The following DMD variants were observed in gnomAD, a reference collection of about 807,000 sequenced individuals.
DMD encodes the protein dystrophin.
A neutral mutation model predicts 330.1 loss-of-function variants in DMD; 63 were observed. That is an observed-to-expected ratio of 0.19 (90% CI 0.16 to 0.24). The LOEUF is 0.24. Ranked by LOEUF, DMD falls within the 10% of genes least tolerant of loss-of-function variation. The pLI is 1.00. For missense variants in DMD, 3,344 were observed against 2,684.1 expected, an observed-to-expected ratio of 1.25 and a Z score of -5.43; for synonymous variants, 1,223 against 959.8, an observed-to-expected ratio of 1.27 and a Z score of -5.07.
At chrX:32,584,006 G>A (rs1394281729) in intron 13 of DMD, among the ~76,000 whole-genome samples, 1 of 110,892 alleles carries the variant, frequency 9.0e-6, no homozygotes, top group Non-Finnish European at 1.9e-5. Flanking sequence ...TATCATTACG[G>A]AGTGAAAAGG....
chrX:32,817,419 A>G (rs1468794979), intron 5 of DMD, among the ~76,000 whole-genome samples: 1 of 112,445 alleles, frequency 8.9e-6, no homozygotes, highest in Non-Finnish European at 1.9e-5. Context: ...CAGATTATCA[A>G]GTTTAATTCT....
rs1446750643 is a variant in DMD, at chrX:31,968,465, T to G, written c.6488A>C (p.Asn2163Thr). 8.3e-7 allele frequency: 1 copy of G among 1,210,801 alleles called. No homozygotes were observed. The highest frequency in any genetic ancestry group is 1.1e-6 in the Non-Finnish European group (1 of 894,900). ...GQRQTVVRTL[N>T]ATGEEIIQQS... ...CTGAATTATTTCTTCCCCAGTTGCA[T>G]TCAATGTTCTGACAACAGTTTGCCG... Residue 2163 changes from asparagine to threonine, a missense_variant, in exon 45 of 79, where the codon AAT (asparagine) becomes ACT (threonine). Coordinates refer to ENST00000357033, the MANE Select transcript of DMD (RefSeq NM_004006.3).
intron 60 of DMD, among the ~76,000 whole-genome samples, chrX:31,380,734 T>A (rs2060136126): frequency 9.0e-6 from 1 of 110,659 alleles, no homozygotes. Context: ...CAACCCATTA[T>A]TCTGTTCTGG....
intron 50 of DMD, among the ~76,000 whole-genome samples, chrX:31,790,481 A>G (rs2091517444): frequency 8.9e-6 from 1 of 111,979 alleles, no homozygotes; most frequent in South Asian, 3.7e-4. Flanking sequence ...TGAGTAAGTA[A>G]ATTATTTATA....
intron 17 of DMD, among the ~76,000 whole-genome samples, chrX:32,526,633 T>C (rs1377459768): frequency 8.9e-6 from 1 of 111,798 alleles, no homozygotes; most frequent in Non-Finnish European, 1.9e-5. Context: ...ATTAGGTTAA[T>C]TACATCCCAT....
intron 11 of DMD, among the ~76,000 whole-genome samples, chrX:32,638,613 G>C (rs780089476): frequency 1.8e-5 from 2 of 111,894 alleles, no homozygotes; most frequent in Non-Finnish European, 3.8e-5. Context: ...ACTGGAAGAA[G>C]TAAAACAGAA....
intron 67 of DMD, among the ~76,000 whole-genome samples, chrX:31,194,027 A>C (rs755206258): frequency 2.7e-5 from 3 of 110,989 alleles, no homozygotes; most frequent in Non-Finnish European, 5.7e-5. Flanking sequence ...CTAAAAATAC[A>C]AAAATCAGCC....
intron 7 of DMD, among the ~76,000 whole-genome samples, chrX:32,718,689 G>A (rs1423671730): frequency 2.7e-5 from 3 of 111,612 alleles, no homozygotes; most frequent in Non-Finnish European, 3.8e-5. Flanking sequence ...TTTAAGAAAA[G>A]GAAGAACAAA....
At chrX:31,834,226 G>A (rs1252878120) in intron 49 of DMD, among the ~76,000 whole-genome samples, 3 of 111,450 alleles carry the variant, frequency 2.7e-5, no homozygotes, top group Admixed American at 1.9e-4. Flanking sequence ...GATTTAAACA[G>A]CCCTCACAGC....
At chrX:32,774,479 GA>G (rs1415836802) in intron 7 of DMD, among the ~76,000 whole-genome samples, 3 of 111,654 alleles carry the variant, frequency 2.7e-5, no homozygotes, top group African/African-American at 6.5e-5. Context: ...AATTTAGAAA[GA>G]AAGAGGTTTA....
At chrX:31,907,889 C>T (rs993673597) in intron 47 of DMD, among the ~76,000 whole-genome samples, 8 of 112,478 alleles carry the variant, frequency 7.1e-5, no homozygotes, top group African/African-American at 2.6e-4. Flanking sequence ...CCAACCTCAT[C>T]GAAAAGTCGG....
intron 1 of DMD, among the ~76,000 whole-genome samples, chrX:33,030,500 G>A (rs187812657): frequency 8.9e-6 from 1 of 111,971 alleles, no homozygotes; most frequent in Non-Finnish European, 1.9e-5. Flanking sequence ...ATGAGTATGT[G>A]GGTGTAGACT....
intron 48 of DMD, among the ~76,000 whole-genome samples, chrX:31,844,255 C>A (rs1440517426): frequency 9.1e-6 from 1 of 109,614 alleles, no homozygotes; most frequent in African/African-American, 3.3e-5. Context: ...ATACGGTTAG[C>A]CAGCTATCCC....
intron 39 of DMD, 121 bp downstream of exon 39, chrX:32,345,822 C>T (rs950940690): frequency 2.8e-6 from 2 of 711,805 alleles, no homozygotes; most frequent in Non-Finnish European, 4.0e-6. Context: ...ACACATTGAA[C>T]AGAAAAAGTG....
chrX:31,793,841 C>A (rs762245500), intron 50 of DMD, among the ~76,000 whole-genome samples: 3 of 111,713 alleles, frequency 2.7e-5, no homozygotes, highest in African/African-American at 9.8e-5. Flanking sequence ...ATTTCTCAGG[C>A]CCTTGACAAA....
intron 60 of DMD, among the ~76,000 whole-genome samples, chrX:31,351,333 G>T (rs933397251): frequency 7.2e-5 from 8 of 111,020 alleles, no homozygotes; most frequent in Non-Finnish European, 1.3e-4. Flanking sequence ...AATTAAATAA[G>T]ATGATACAAT....
intron 52 of DMD, among the ~76,000 whole-genome samples, chrX:31,691,337 C>T (rs1056398035): frequency 2.7e-5 from 3 of 111,185 alleles, no homozygotes; most frequent in Admixed American, 1.9e-4. Context: ...CATCAAAACA[C>T]AAAGGAAGAC....
At chrX:32,224,370 G>A (rs1272246542) in intron 43 of DMD, among the ~76,000 whole-genome samples, 1 of 110,340 alleles carries the variant, frequency 9.1e-6, no homozygotes, top group Non-Finnish European at 1.9e-5. Flanking sequence ...AGTCACCTGG[G>A]ATTTTATTTT....
chrX:32,598,730 C>T (rs2055855598), intron 12 of DMD, among the ~76,000 whole-genome samples: 1 of 111,340 alleles, frequency 9.0e-6, no homozygotes, highest in Non-Finnish European at 1.9e-5. Context: ...GATTTTGTTT[C>T]GTTCATCTAT....
Sources: gnomAD v4.1 joint callset for allele counts (sites outside exome capture counted in the v4.1 genomes callset) on GRCh38, gnomAD v4.1.1 for gene constraint, MANE v1.5 for transcripts, NCBI Gene and HGNC (gene_info 2026-07-23, HGNC 2026-07-21) for gene names.